HS3ST4: variants seen among roughly 807,000 people sequenced by gnomAD.
The protein encoded by HS3ST4 is heparan sulfate glucosamine 3-O-sulfotransferase 4.
HS3ST4 carries 17 observed loss-of-function variants against 29.2 expected under a neutral mutation model. The observed-to-expected ratio is 0.58, with a 90% CI of 0.40 to 0.87. The LOEUF is 0.87. Ranked by LOEUF, HS3ST4 falls within the 40% of genes least tolerant of loss-of-function variation. The pLI is 0.00. For missense variants in HS3ST4, 627 were observed against 634.5 expected (o/e 0.99, Z 0.13); for synonymous variants, 314 against 285.7 (o/e 1.10, Z -1.00).
intron 1 of HS3ST4, among the ~76,000 whole-genome samples, chr16:25,940,780 T>A (rs1968564701): frequency 6.6e-6 from 1 of 152,216 alleles, no homozygotes; most frequent in Admixed American, 6.5e-5. Context: ...AGGTTTGCAT[T>A]CAGAGTGAAC....
intron 1 of HS3ST4, among the ~76,000 whole-genome samples, chr16:26,089,970 C>T (rs112152765): frequency 0.01 from 1,536 of 152,226 alleles, 23 homozygotes; most frequent in African/African-American, 0.035. Flanking sequence ...TGACACCAGG[C>T]TCATAGTAAA....
rs1898272854 is a variant in HS3ST4, at chr16:26,135,626, A to T, written c.749A>T (p.Lys250Met). The change falls in exon 2 of 2, where the codon AAG becomes ATG. Residue 250 changes from lysine (K) to methionine (M), a missense_variant. Lys to Met is a moderately conservative substitution (Grantham distance 95). Transcript: ENST00000331351. The part of the protein sequence containing the change: ...GLEWYRNVMP[K>M]TLDGQITMEK... ...CCCTCTCCTAGAAATGTGATGCCCA[A>T]GACTTTGGATGGGCAAATAACCATG... 3.1e-6 allele frequency: 5 copies of T among 1,602,318 alleles called. No individual in the cohort carries two copies. The South Asian group carries it at 5.6e-5, about 18-fold the overall frequency.
At chr16:25,905,164 T>C (rs991092846) in intron 1 of HS3ST4, among the ~76,000 whole-genome samples, 8 of 152,118 alleles carry the variant, frequency 5.3e-5, no homozygotes, top group Non-Finnish European at 7.4e-5. Context: ...CTGGGTGGTA[T>C]AGCTGGGGAC....
At chr16:26,007,493 T>C (rs993131373) in intron 1 of HS3ST4, among the ~76,000 whole-genome samples, 2 of 152,174 alleles carry the variant, frequency 1.3e-5, no homozygotes, top group Admixed American at 1.3e-4. Flanking sequence ...ACGTCTGCAT[T>C]TCAGGGAAGT....
intron 1 of HS3ST4, among the ~76,000 whole-genome samples, chr16:26,068,166 G>A (rs1470088453): frequency 6.6e-6 from 1 of 152,164 alleles, no homozygotes; most frequent in Non-Finnish European, 1.5e-5. Context: ...TGCCAAAGGT[G>A]TATTTTCCTC....
intron 1 of HS3ST4, among the ~76,000 whole-genome samples, chr16:25,761,960 C>G (rs1169564863): frequency 1.3e-5 from 2 of 152,002 alleles, no homozygotes; most frequent in African/African-American, 4.8e-5. Flanking sequence ...TATGTGTTCC[C>G]CCGAAATTCA....
At chr16:25,814,253 CA>C (rs1390541054) in intron 1 of HS3ST4, among the ~76,000 whole-genome samples, 1 of 150,806 alleles carries the variant, frequency 6.6e-6, no homozygotes, top group Non-Finnish European at 1.5e-5. Flanking sequence ...TTATGGAATG[CA>C]GCAGAAAATT....
intron 1 of HS3ST4, among the ~76,000 whole-genome samples, chr16:26,086,309 T>C (rs11646509): frequency 0.49 from 73,987 of 151,674 alleles, 18,243 homozygotes; most frequent in Middle Eastern, 0.56. Context: ...GTGTCAGCAC[T>C]ATGAAGGTGA....
At chr16:25,719,698 T>C (rs1177155349) in intron 1 of HS3ST4, among the ~76,000 whole-genome samples, 1 of 152,202 alleles carries the variant, frequency 6.6e-6, no homozygotes, top group African/African-American at 2.4e-5. Flanking sequence ...AGAGGAAAAG[T>C]AGCAAAAAGA....
At chr16:25,702,290 G>C (rs959066755) in intron 1 of HS3ST4, among the ~76,000 whole-genome samples, 1 of 152,058 alleles carries the variant, frequency 6.6e-6, no homozygotes, top group Non-Finnish European at 1.5e-5. Context: ...GGCTGGTAAG[G>C]AAAAAACAAT....
chr16:25,786,672 A>G (rs184070456), intron 1 of HS3ST4, among the ~76,000 whole-genome samples: 6 of 152,352 alleles, frequency 3.9e-5, no homozygotes, highest in Admixed American at 3.9e-4. Flanking sequence ...AGTAAATCAG[A>G]CAAACAGTAG....
rs532699854 is a variant in HS3ST4, at chr16:26,070,177, T to G, written c.735-65435T>G. ...AACTAGTTTACAGTCCCACCAACAG[T>G]GTAAAAGTGTTCCTATTTCTCCACA... On this transcript the variant is annotated intron_variant, in intron 1 of 1. Coordinates refer to ENST00000331351, the MANE Select transcript of HS3ST4 (RefSeq NM_006040.3). Among the ~76,000 whole-genome samples, 87 of 152,168 alleles carry G rather than the reference T, an allele frequency of 5.7e-4. 1 individual carries two copies. Among genetic ancestry groups the G allele is most frequent in the Admixed American group, 1.6e-3 (25 of 15,286 alleles).
At chr16:25,743,852 C>G (rs1466772579) in intron 1 of HS3ST4, among the ~76,000 whole-genome samples, 1 of 152,168 alleles carries the variant, frequency 6.6e-6, no homozygotes, top group Non-Finnish European at 1.5e-5. Context: ...ACATCTTGTT[C>G]CCCTAGCTCC....
intron 1 of HS3ST4, among the ~76,000 whole-genome samples, chr16:25,974,534 G>C (rs781321298): frequency 1.3e-5 from 2 of 152,030 alleles, no homozygotes; most frequent in African/African-American, 2.4e-5. Context: ...GCCAGCAAAG[G>C]AAGACACTAG....
chr16:26,007,280 C>T (rs187317594), intron 1 of HS3ST4, among the ~76,000 whole-genome samples: 10 of 152,304 alleles, frequency 6.6e-5, no homozygotes, highest in Admixed American at 6.5e-4. Flanking sequence ...TCCATCTACC[C>T]TGCACAGGCT....
In HS3ST4 at chr16:26,025,024, G is replaced by C. The variant is rs193011653; in HGVS notation, c.735-110588G>C. Among the ~76,000 whole-genome samples the C allele has an allele frequency of 2.4e-3, 372 of 152,050 alleles. 2 individuals are homozygous for C. The highest frequency in any genetic ancestry group is 8.8e-3 in the African/African-American group (365 of 41,474). ...CTTAGTAAAGTTACTAATGGGTAAA[G>C]TTCCAACTTTTTTTTTTTACTAAAT... On this transcript the variant is annotated intron_variant, in intron 1 of 1. Transcript: ENST00000331351.
At chr16:25,764,562 ACT>A (rs1596564215) in intron 1 of HS3ST4, among the ~76,000 whole-genome samples, 1 of 152,154 alleles carries the variant, frequency 6.6e-6, no homozygotes, top group East Asian at 1.9e-4. Context: ...TGTGCCAGCC[ACT>A]GTTTGAAAAT....
At chr16:25,975,373 A>G (rs565936483) in intron 1 of HS3ST4, among the ~76,000 whole-genome samples, 1 of 152,142 alleles carries the variant, frequency 6.6e-6, no homozygotes, top group East Asian at 1.9e-4. Flanking sequence ...TAGCAGGATC[A>G]CTCATACCCC....
intron 1 of HS3ST4, among the ~76,000 whole-genome samples, chr16:25,704,493 TC>T (rs1966360362): frequency 6.6e-6 from 1 of 152,126 alleles, no homozygotes; most frequent in Admixed American, 6.5e-5. Flanking sequence ...GGTGTCTCGC[TC>T]TGTTGCCCAG....
Sources: gnomAD v4.1 joint callset for allele counts (sites outside exome capture counted in the v4.1 genomes callset) on GRCh38, gnomAD v4.1.1 for gene constraint, MANE v1.5 for transcripts, NCBI Gene and HGNC (gene_info 2026-07-23, HGNC 2026-07-21) for gene names.